Variants in JPH3 observed in about 807,000 individuals in gnomAD.
JPH3 encodes junctophilin-3.
Under a neutral mutation model 59.6 loss-of-function variants are expected in JPH3, and 11 were observed. The observed-to-expected ratio is 0.18, with a 90% CI of 0.12 to 0.31. The LOEUF is 0.31. Among genes scored for constraint, JPH3 ranks in the 10% least tolerant of loss-of-function variants. The pLI, the probability that JPH3 is intolerant of heterozygous loss-of-function variation, is 1.00. For missense variants in JPH3, 1,202 were observed against 1,105.7 expected (o/e 1.09, Z -1.24); for synonymous variants, 673 against 483.6 (o/e 1.39, Z -5.14).
At chr16:87,682,673 C>T (rs969134824) in intron 2 of JPH3, among the ~76,000 whole-genome samples, 3 of 152,222 alleles carry the variant, frequency 2.0e-5, no homozygotes, top group Non-Finnish European at 2.9e-5. Flanking sequence ...ATGAGCCGCC[C>T]AAGCTGCGGT....
chr16:87,633,152 C>T (rs1346849427), intron 1 of JPH3, among the ~76,000 whole-genome samples: 3 of 152,280 alleles, frequency 2.0e-5, no homozygotes, highest in East Asian at 3.9e-4. Context: ...AGTTTATTTC[C>T]TTGCAGTTCT....
chr16:87,627,685 T>TG (rs2031427482), intron 1 of JPH3, among the ~76,000 whole-genome samples: 1 of 152,172 alleles, frequency 6.6e-6, no homozygotes, highest in African/African-American at 2.4e-5. Flanking sequence ...TCTTACAGTA[T>TG]GGGGAAGGTG....
chr16:87,656,483 G>C (rs2032506038), intron 2 of JPH3, among the ~76,000 whole-genome samples: 1 of 152,232 alleles, frequency 6.6e-6, no homozygotes, highest in Non-Finnish European at 1.5e-5. Context: ...GCAACGACGG[G>C]ATCAGATTAC....
chr16:87,643,777 A>C (rs1486392865), intron 1 of JPH3, among the ~76,000 whole-genome samples: 1 of 152,168 alleles, frequency 6.6e-6, no homozygotes, highest in Non-Finnish European at 1.5e-5. Context: ...AAAAACAGCC[A>C]CTGGTGATAG....
Position 87,677,255 on chromosome 16 carries a change from C to T in JPH3, c.1161-6887C>T, listed in dbSNP as rs1180083336. ...AAAAAAATTAGCCGGGTGTGGTGGGCGCCTGTAATCCCAGCCACGTGGGAG... is the reference window on the plus strand; with the variant it reads ...AAAAAAATTAGCCGGGTGTGGTGGGTGCCTGTAATCCCAGCCACGTGGGAG... On this transcript the variant is annotated intron_variant, in intron 2 of 4. Coordinates refer to ENST00000284262, the MANE Select transcript of JPH3 (RefSeq NM_020655.4). Among the ~76,000 whole-genome samples, 5 of 144,816 alleles carry T rather than the reference C, an allele frequency of 3.5e-5. No individual in the cohort carries two copies. The East Asian group carries it at 6.1e-4, about 18-fold the overall frequency.
chr16:87,683,511 G>A (rs2033345025), intron 2 of JPH3, among the ~76,000 whole-genome samples: 1 of 151,980 alleles, frequency 6.6e-6, no homozygotes, highest in African/African-American at 2.4e-5. Flanking sequence ...TCACCATGTT[G>A]TGCAGGCTGG....
chr16:87,635,979 TGGAGCAGACA>T (rs2031730864), intron 1 of JPH3, among the ~76,000 whole-genome samples: 1 of 152,192 alleles, frequency 6.6e-6, no homozygotes, highest in Admixed American at 6.5e-5. Context: ...CCAGGGCAAC[TGGAGCAGACA>T]GGACATTATC....
At chr16:87,691,639 T>C (rs1192281996) in intron 4 of JPH3, among the ~76,000 whole-genome samples, 2 of 152,152 alleles carry the variant, frequency 1.3e-5, no homozygotes, top group African/African-American at 4.8e-5. Flanking sequence ...TGACACCCCT[T>C]TGAAGGGGCA....
chr16:87,680,344 T>A (rs114487441), intron 2 of JPH3, among the ~76,000 whole-genome samples: 2,067 of 78,148 alleles, frequency 0.026, 49 homozygotes, highest in African/African-American at 0.072. Context: ...CTGCGGCGTG[T>A]GGAGGGGCTG....
rs961016800 is a variant in JPH3 at position 87,602,963 on chromosome 16, T to C, written c.-184T>C. On this transcript the variant is annotated 5_prime_UTR_variant, in exon 1 of 5. Coordinates refer to ENST00000284262, the MANE Select transcript of JPH3 (RefSeq NM_020655.4). ...CTCGAAAAGGAATAATCGCCCCCGA[T>C]TGACTGAAATTCCTCCGGAGCCGGC... The C allele has an allele frequency of 8.9e-6, 5 of 559,460 alleles. No homozygotes were observed. The African/African-American group carries it at 1.0e-4, about 12-fold the overall frequency. The allele number at this position is 559,460 out of a possible 1,614,324, so 34.7% of individuals were successfully genotyped here. A position where few individuals can be genotyped will look rare whatever the true frequency, so the allele number is the denominator to read the frequency against.
chr16:87,679,129 G>C (rs1215506734), intron 2 of JPH3, among the ~76,000 whole-genome samples: 1 of 152,184 alleles, frequency 6.6e-6, no homozygotes, highest in African/African-American at 2.4e-5. Flanking sequence ...CAGCTGGCCA[G>C]GCTCAGCTGA....
intron 2 of JPH3, chr16:87,653,668 TCATCA>T (rs1237868036): frequency 6.6e-6 from 1 of 152,258 alleles, no homozygotes; most frequent in Non-Finnish European, 1.5e-5. Context: ...AGCACAGTTC[TCATCA>T]CGGGTGTGCT....
At chr16:87,692,548 T>C (rs927661652) in intron 4 of JPH3, among the ~76,000 whole-genome samples, 2 of 152,068 alleles carry the variant, frequency 1.3e-5, no homozygotes, top group African/African-American at 2.4e-5. Context: ...CCAGAGGCCC[T>C]GGGTCCCACT....
intron 2 of JPH3, among the ~76,000 whole-genome samples, chr16:87,672,419 T>A (rs1446333288): frequency 6.6e-6 from 1 of 152,148 alleles, no homozygotes; most frequent in Non-Finnish European, 1.5e-5. Flanking sequence ...AGGGGTTCCG[T>A]CCCAGGGGCC....
chr16:87,639,624 C>A (rs1292874136), intron 1 of JPH3, among the ~76,000 whole-genome samples: 6 of 148,710 alleles, frequency 4.0e-5, no homozygotes, highest in South Asian at 4.2e-4. Context: ...TCCCTCCTGG[C>A]CTCCCTCCTG....
chr16:87,677,202 A>C (rs1178334430), intron 2 of JPH3, among the ~76,000 whole-genome samples: 1 of 116,862 alleles, frequency 8.6e-6, no homozygotes, highest in East Asian at 2.9e-4. Context: ...ACACACACAC[A>C]CACACACACA....
At chr16:87,674,221 C>G (rs967432668) in intron 2 of JPH3, among the ~76,000 whole-genome samples, 1 of 152,124 alleles carries the variant, frequency 6.6e-6, no homozygotes, top group Admixed American at 6.5e-5. Context: ...GTAGTCCCAG[C>G]TACTCGGGAG....
In JPH3 at chr16:87,641,753, C is replaced by A. The variant is rs569108239; in HGVS notation, c.383-2505C>A. Among the ~76,000 whole-genome samples the A allele has an allele frequency of 3.3e-5, 5 of 152,390 alleles. No homozygotes were observed. In the East Asian group the frequency reaches 9.7e-4, roughly 29 times the overall value. ...TCAGGGGCTCTGTCCGGGGCTGCAG[C>A]CTGATTGGTGATCTTTGCACGCCCC... On this transcript the variant is annotated intron_variant, in intron 1 of 4. Coordinates refer to ENST00000284262, the MANE Select transcript of JPH3 (RefSeq NM_020655.4).
At chr16:87,679,243 CTT>C (rs745785546) in intron 2 of JPH3, among the ~76,000 whole-genome samples, 16 of 152,016 alleles carry the variant, frequency 1.1e-4, no homozygotes, top group Non-Finnish European at 2.1e-4. Context: ...GGGTTTCTCT[CTT>C]TCTTTCTTTA....
Sources: allele counts gnomAD v4.1 joint callset (sites outside exome capture counted in the v4.1 genomes callset), GRCh38; gene constraint gnomAD v4.1.1; transcripts MANE v1.5; gene names NCBI Gene and HGNC (gene_info 2026-07-23, HGNC 2026-07-21).